SMARCA2: variants seen among roughly 807,000 people sequenced by gnomAD.
SMARCA2 encodes SWI/SNF related BAF chromatin remodeling complex subunit ATPase 2.
SMARCA2 carries 61 observed loss-of-function variants against 199.8 expected under a neutral mutation model. The observed-to-expected ratio is 0.31, with a 90% CI of 0.25 to 0.38. SMARCA2 has a LOEUF of 0.38. Among genes scored for constraint, SMARCA2 ranks in the 10% least tolerant of loss-of-function variants. The pLI is 1.00. For synonymous variants in SMARCA2, 935 were observed against 732.0 expected, an observed-to-expected ratio of 1.28 and a Z score of -4.48; for missense variants, 1,344 against 2,012.2, an observed-to-expected ratio of 0.67 and a Z score of 6.35.
At chr9:2,153,327 A>C (rs1456502886) in intron 27 of SMARCA2, among the ~76,000 whole-genome samples, 2 of 152,218 alleles carry the variant, frequency 1.3e-5, no homozygotes, top group Non-Finnish European at 1.5e-5. Context: ...GCTTGCGCCC[A>C]GGAGTTCAAG....
rs141291951 is a variant in SMARCA2, at chr9:2,123,850, A to G, written c.3894A>G (p.Glu1298=). ...DAEVERLTCE[E]EEEKIFGRGS... is the part of the protein sequence containing the mutation. ...AAGTAGAAAGGCTCACCTGTGAAGAAGAGGAGGAGAAAATATTTGGGAGGG... is the reference window on the plus strand; with the variant it reads ...AAGTAGAAAGGCTCACCTGTGAAGAGGAGGAGGAGAAAATATTTGGGAGGG... Residue 1298 remains glutamate, a synonymous_variant, in exon 27 of 34, where the codon GAA becomes GAG. Coordinates refer to ENST00000349721, the MANE Select transcript of SMARCA2 (RefSeq NM_003070.5). The surrounding 1 kb of genome is among the most constrained non-coding windows in gnomAD (Gnocchi z 4.1). 6.2e-7 allele frequency: 1 copy of G among 1,610,488 alleles called. No homozygotes were observed. Among genetic ancestry groups the G allele is most frequent in the Non-Finnish European group, 8.5e-7 (1 of 1,178,548 alleles).
At chr9:2,188,495 T>C (rs1038604868) in intron 32 of SMARCA2, among the ~76,000 whole-genome samples, 1 of 152,212 alleles carries the variant, frequency 6.6e-6, no homozygotes, top group Non-Finnish European at 1.5e-5. Flanking sequence ...GTTATTCCTT[T>C]GTTCTAGCAT....
intron 1 of SMARCA2, among the ~76,000 whole-genome samples, chr9:2,018,932 T>C (rs914822102): frequency 1.3e-5 from 2 of 152,226 alleles, no homozygotes; most frequent in Non-Finnish European, 2.9e-5. Context: ...TTAAGAGGCG[T>C]GGCAGATTTG....
intron 8 of SMARCA2, 150 bp downstream of exon 8, chr9:2,058,614 A>G (rs1465484528): frequency 1.0e-5 from 7 of 675,646 alleles, no homozygotes; most frequent in Non-Finnish European, 1.5e-5. Context: ...GAGATGAAGT[A>G]AAAACTTTTT....
At chr9:2,159,808 G>C (rs1257279789) in intron 27 of SMARCA2, 2 of 1,606,890 alleles carry the variant, frequency 1.2e-6, no homozygotes, top group Non-Finnish European at 1.7e-6. Flanking sequence ...TTTTTTTCCT[G>C]ATCAGCTGAT....
intron 27 of SMARCA2, among the ~76,000 whole-genome samples, chr9:2,131,295 A>T (rs1202492061): frequency 6.6e-6 from 1 of 152,170 alleles, no homozygotes; most frequent in African/African-American, 2.4e-5. Context: ...ACGGCATCAT[A>T]TATCTACTAT....
At chr9:2,093,493 G>C (rs1436068012) in intron 19 of SMARCA2, among the ~76,000 whole-genome samples, 1 of 152,192 alleles carries the variant, frequency 6.6e-6, no homozygotes, top group Non-Finnish European at 1.5e-5. Context: ...GGGAGCATCT[G>C]ATAGTCCTTT....
intron 32 of SMARCA2, among the ~76,000 whole-genome samples, chr9:2,190,672 C>G (rs1456820950): frequency 6.6e-6 from 1 of 151,962 alleles, no homozygotes; most frequent in Non-Finnish European, 1.5e-5. Context: ...AATGGATGTA[C>G]TTGCAGGTAT....
chr9:2,168,032 TC>T lies in SMARCA2; in HGVS notation c.4200-2386del, dbSNP rs1348273596. Among the ~76,000 whole-genome samples the T allele has an allele frequency of 8.0e-5, 11 of 137,046 alleles. No individual in the cohort carries two copies. The East Asian group carries it at 2.3e-3, about 28-fold the overall frequency. The allele number at this position is 137,046 out of a possible 152,430, so 89.9% of individuals were successfully genotyped here. On this transcript the variant is annotated intron_variant, in intron 28 of 33. Transcript: ENST00000349721. ...TGGGGAAATGAGCTTTTTTTCTTTT[TC>T]TTTTTTTTTTTTTTTTGAGACAGTT...
Position 2,161,970 on chromosome 9 carries a change from CAGG to C in SMARCA2, c.4199+70_4199+72del. The C allele has an allele frequency of 7.6e-7, 1 of 1,318,596 alleles. No homozygotes were observed. Among genetic ancestry groups the C allele is most frequent in the Non-Finnish European group, 1.1e-6 (1 of 934,190 alleles). 81.7% of individuals were successfully genotyped at this position (1,318,596 alleles called of 1,614,324 possible). On this transcript the variant is annotated intron_variant, in intron 28 of 33. Transcript: ENST00000349721. The surrounding 1 kb of genome is among the most constrained non-coding windows in gnomAD (Gnocchi z 4.7). ...ACGCCGAGTGGCGCTCCCTGAGGAG[CAGG>C]AGTTGTTAAGTTGTGCACTTAGGTT...
At chr9:2,091,914 G>A (rs17725419) in intron 19 of SMARCA2, among the ~76,000 whole-genome samples, 18,103 of 152,076 alleles carry the variant, frequency 0.12, 1,199 homozygotes, top group East Asian at 0.21. Flanking sequence ...TAAAGGCCAC[G>A]GTTTTGTAAA....
At chr9:2,168,239 G>C (rs1454746931) in intron 28 of SMARCA2, among the ~76,000 whole-genome samples, 3 of 152,068 alleles carry the variant, frequency 2.0e-5, no homozygotes, top group Non-Finnish European at 4.4e-5. Flanking sequence ...TCGAACTCCT[G>C]ACCTCAGGTG....
At chr9:2,050,625 A>AT (rs34545845) in intron 5 of SMARCA2, among the ~76,000 whole-genome samples, 8,799 of 143,556 alleles carry the variant, frequency 0.061, 517 homozygotes, top group African/African-American at 0.15. Context: ...CTTACCTGTG[A>AT]TTTTTTTTTT....
chr9:2,176,560 G>A (rs563878304), intron 29 of SMARCA2, among the ~76,000 whole-genome samples: 7 of 151,908 alleles, frequency 4.6e-5, no homozygotes, highest in African/African-American at 1.4e-4. Context: ...GATTTTTTTG[G>A]TGGTGTTGAG....
chr9:2,147,513 C>G (rs1464262486), intron 27 of SMARCA2, among the ~76,000 whole-genome samples: 1 of 152,208 alleles, frequency 6.6e-6, no homozygotes, highest in Non-Finnish European at 1.5e-5. Flanking sequence ...CATAATCTTT[C>G]TCACAGAAAT....
At chr9:2,044,838 C>T (rs1819768479) in intron 4 of SMARCA2, 1 of 152,196 alleles carries the variant, frequency 6.6e-6, no homozygotes, top group Admixed American at 6.5e-5. Flanking sequence ...CTCTCTCTGT[C>T]TTTCAGTGTT....
chr9:2,055,650 G>A (rs574474008), intron 6 of SMARCA2: 4 of 152,146 alleles, frequency 2.6e-5, no homozygotes, highest in East Asian at 1.9e-4. Flanking sequence ...TTGCCTTACC[G>A]GCTATAATCT....
chr9:2,177,128 A>AATG (rs1360342066), intron 29 of SMARCA2, among the ~76,000 whole-genome samples: 2 of 152,142 alleles, frequency 1.3e-5, no homozygotes, highest in Non-Finnish European at 2.9e-5. Context: ...TAAATTCTTC[A>AATG]ATGATATATA....
At chr9:2,107,619 A>G (rs1040630175) in intron 23 of SMARCA2, among the ~76,000 whole-genome samples, 2 of 152,170 alleles carry the variant, frequency 1.3e-5, no homozygotes, top group Non-Finnish European at 2.9e-5. Flanking sequence ...TGCCTGGCCT[A>G]TACAGTTTAA....
Sources: allele counts gnomAD v4.1 joint callset (sites outside exome capture counted in the v4.1 genomes callset), GRCh38; gene constraint gnomAD v4.1.1; non-coding constraint Gnocchi (gnomAD v3.1); transcripts MANE v1.5; gene names NCBI Gene and HGNC (gene_info 2026-07-23, HGNC 2026-07-21).